LUZP2: variants seen among roughly 807,000 people sequenced by gnomAD.
LUZP2 encodes the protein leucine zipper protein 2.
In LUZP2, 52 loss-of-function variants were observed where a neutral mutation model predicts 51.6. The ratio of observed to expected loss-of-function variants is 1.01; its 90% CI spans 0.81 to 1.27. LUZP2 has a LOEUF of 1.27. Ranked by LOEUF, LUZP2 falls within the 50% of genes most tolerant of loss-of-function variation. The pLI is 0.00. For synonymous variants in LUZP2, 154 were observed against 137.3 expected, an observed-to-expected ratio of 1.12 and a Z score of -0.85; for missense variants, 436 against 395.4, an observed-to-expected ratio of 1.10 and a Z score of -0.87.
chr11:25,005,713 G>T (rs762918048), intron 9 of LUZP2, among the ~76,000 whole-genome samples: 1 of 152,154 alleles, frequency 6.6e-6, no homozygotes, highest in Non-Finnish European at 1.5e-5. Flanking sequence ...AGAAACACTA[G>T]TTTTCCTCCT....
chr11:24,545,803 T>C (rs1851521682), intron 1 of LUZP2, among the ~76,000 whole-genome samples: 1 of 152,094 alleles, frequency 6.6e-6, no homozygotes, highest in South Asian at 2.1e-4. Flanking sequence ...TTTAAAATAG[T>C]TATTTCTAAT....
intron 3 of LUZP2, among the ~76,000 whole-genome samples, 173 bp from the exon 4 acceptor site, chr11:24,738,048 C>T (rs988040941): frequency 6.6e-6 from 1 of 151,940 alleles, no homozygotes; most frequent in Admixed American, 6.6e-5. Context: ...GAGAGAAAGC[C>T]TTTTATTACC....
chr11:24,819,271 T>G (rs61875869), intron 5 of LUZP2, among the ~76,000 whole-genome samples: 12,058 of 152,142 alleles, frequency 0.079, 609 homozygotes, highest in Non-Finnish European at 0.12. Context: ...AGGAACCAGC[T>G]TTTGAAAAGC....
At chr11:24,764,259 G>T (rs762642840) in intron 5 of LUZP2, among the ~76,000 whole-genome samples, 1 of 152,050 alleles carries the variant, frequency 6.6e-6, no homozygotes, top group African/African-American at 2.4e-5. Context: ...GATTATAAGA[G>T]AATTTCAACT....
chr11:24,538,643 G>GT (rs1414074406), intron 1 of LUZP2, among the ~76,000 whole-genome samples: 1 of 109,260 alleles, frequency 9.2e-6, no homozygotes, highest in Non-Finnish European at 1.9e-5. Context: ...GTATTTATGT[G>GT]TTTTTTATAT....
At chr11:24,991,896 C>T (rs1856358359) in intron 9 of LUZP2, among the ~76,000 whole-genome samples, 1 of 151,932 alleles carries the variant, frequency 6.6e-6, no homozygotes, top group South Asian at 2.1e-4. Context: ...ATGTTCTTAG[C>T]CCACTTTTTG....
At chr11:24,930,361 G>A (rs969671785) in intron 7 of LUZP2, among the ~76,000 whole-genome samples, 13 of 152,068 alleles carry the variant, frequency 8.5e-5, no homozygotes, top group East Asian at 7.7e-4. Context: ...CTATTTTGAT[G>A]TATTTTGAAT....
At chr11:24,741,699 A>G (rs1250058495) in intron 4 of LUZP2, among the ~76,000 whole-genome samples, 1 of 150,752 alleles carries the variant, frequency 6.6e-6, no homozygotes, top group African/African-American at 2.4e-5. Flanking sequence ...TTCACTTAGA[A>G]TAATAGTCTC....
chr11:24,904,538 C>T (rs1445838372), intron 5 of LUZP2, among the ~76,000 whole-genome samples: 4 of 152,152 alleles, frequency 2.6e-5, no homozygotes, highest in African/African-American at 9.7e-5. Flanking sequence ...CCGCCTCAGC[C>T]TCCCAAAGTG....
chr11:24,617,623 C>A (rs955338558), intron 1 of LUZP2, among the ~76,000 whole-genome samples: 2 of 152,050 alleles, frequency 1.3e-5, no homozygotes, highest in African/African-American at 2.4e-5. Context: ...GAGTTTGAGA[C>A]CAGCCTGGGC....
intron 1 of LUZP2, among the ~76,000 whole-genome samples, chr11:24,558,188 C>A (rs1264680304): frequency 6.6e-6 from 1 of 152,066 alleles, no homozygotes; most frequent in African/African-American, 2.4e-5. Flanking sequence ...ACACCAGTGG[C>A]CCCCAGGATT....
At chr11:24,933,563 C>T (rs1290639650) in intron 7 of LUZP2, among the ~76,000 whole-genome samples, 1 of 152,112 alleles carries the variant, frequency 6.6e-6, no homozygotes, top group Non-Finnish European at 1.5e-5. Context: ...TGCCTTCATG[C>T]TTTAGTAAGG....
intron 5 of LUZP2, among the ~76,000 whole-genome samples, chr11:24,878,716 T>C (rs1565041086): frequency 6.6e-6 from 1 of 151,942 alleles, no homozygotes; most frequent in Non-Finnish European, 1.5e-5. Flanking sequence ...TAGGTATACC[T>C]GTGCCATGGC....
chr11:24,915,092 C>T (rs1349815618), intron 7 of LUZP2, among the ~76,000 whole-genome samples: 2 of 152,048 alleles, frequency 1.3e-5, no homozygotes, highest in African/African-American at 4.8e-5. Context: ...TGTTATTTTA[C>T]ATTTTATGAA....
chr11:24,832,272 G>A lies in LUZP2; in HGVS notation c.396+68964G>A, dbSNP rs182610948. Among the ~76,000 whole-genome samples, 9 of 149,122 alleles carry A rather than the reference G, an allele frequency of 6.0e-5. No homozygotes were observed. In the East Asian group the frequency reaches 1.6e-3, roughly 26 times the overall value. Reference sequence around the variant, plus strand: ...AAATGTTGATGTTATCACTTGACTTGTTCTATATTTATTAAATGATTACAT... The same window carrying A: ...AAATGTTGATGTTATCACTTGACTTATTCTATATTTATTAAATGATTACAT... On this transcript the variant is annotated intron_variant, in intron 5 of 11. Coordinates refer to ENST00000336930, the MANE Select transcript of LUZP2 (RefSeq NM_001009909.4).
chr11:24,652,363 G>T (rs986062458), intron 1 of LUZP2, among the ~76,000 whole-genome samples: 1 of 152,014 alleles, frequency 6.6e-6, no homozygotes, highest in Non-Finnish European at 1.5e-5. Context: ...TTTTAACAAA[G>T]GGGTCATAAG....
At chr11:25,036,996 C>T (rs1857885861) in intron 9 of LUZP2, among the ~76,000 whole-genome samples, 1 of 152,106 alleles carries the variant, frequency 6.6e-6, no homozygotes, top group Non-Finnish European at 1.5e-5. Flanking sequence ...AAGTTTTAGA[C>T]TAGAATCTCT....
intron 1 of LUZP2, among the ~76,000 whole-genome samples, chr11:24,629,252 T>C (rs1476425703): frequency 6.6e-6 from 1 of 151,728 alleles, no homozygotes; most frequent in Non-Finnish European, 1.5e-5. Flanking sequence ...CACTTCTCAG[T>C]TTCTATTGTC....
At chr11:24,898,638 AAAAC>A (rs915856655) in intron 5 of LUZP2, among the ~76,000 whole-genome samples, 5 of 152,176 alleles carry the variant, frequency 3.3e-5, no homozygotes, top group Non-Finnish European at 5.9e-5. Flanking sequence ...GAAAAAAAAA[AAAAC>A]AAGAGTTTAA....
Sources: allele counts gnomAD v4.1 joint callset (sites outside exome capture counted in the v4.1 genomes callset), GRCh38; gene constraint gnomAD v4.1.1; transcripts MANE v1.5; gene names NCBI Gene and HGNC (gene_info 2026-07-23, HGNC 2026-07-21).